The following XPNPEP3 variants were observed in gnomAD, a reference collection of about 807,000 sequenced individuals.
The protein encoded by XPNPEP3 is xaa-Pro aminopeptidase 3.
Under a neutral mutation model 60.0 loss-of-function variants are expected in XPNPEP3, and 41 were observed. The observed-to-expected ratio is 0.68, with a 90% CI of 0.53 to 0.89. The LOEUF (loss-of-function observed/expected upper bound fraction) is 0.89, where lower values mean the gene tolerates loss of function less well. XPNPEP3 is among the 40% of genes least tolerant of loss of function. XPNPEP3 has a pLI of 0.00. For synonymous variants in XPNPEP3, 212 were observed against 223.2 expected, an observed-to-expected ratio of 0.95 and a Z score of 0.45; for missense variants, 598 against 638.9, an observed-to-expected ratio of 0.94 and a Z score of 0.69.
chr22:40,880,523 TTGA>T (rs2058043247), intron 2 of XPNPEP3, among the ~76,000 whole-genome samples: 1 of 148,486 alleles, frequency 6.7e-6, no homozygotes, highest in African/African-American at 2.5e-5. Context: ...GGGCAAGGTG[TTGA>T]TGTGAGTAGG....
At chr22:40,923,020 C>G (rs1008349542) in intron 8 of XPNPEP3, among the ~76,000 whole-genome samples, 2 of 151,974 alleles carry the variant, frequency 1.3e-5, no homozygotes, top group African/African-American at 4.8e-5. Context: ...GAGGAGAAGC[C>G]TGGGAAACAT....
intron 7 of XPNPEP3, among the ~76,000 whole-genome samples, chr22:40,914,646 G>A (rs1451220225): frequency 3.6e-5 from 5 of 138,208 alleles, no homozygotes; most frequent in Non-Finnish European, 6.1e-5. Flanking sequence ...CTGCAGCCTC[G>A]AACTCTGTCC....
At chr22:40,909,796 A>G (rs1277387979) in intron 6 of XPNPEP3, among the ~76,000 whole-genome samples, 1 of 150,516 alleles carries the variant, frequency 6.6e-6, no homozygotes, top group Non-Finnish European at 1.5e-5. Flanking sequence ...AAATAAATAA[A>G]TATTTAAATA....
At position 40,926,591 on chromosome 22, in the gene XPNPEP3, G is replaced by T. The variant is rs1030774858; in HGVS notation, c.*156G>T. ...GAATGTATGTAATTGTGTGTGGGGG[G>T]TTTTTTGTTTTAAGTAGTTAGAAGT... On this transcript the variant is annotated 3_prime_UTR_variant, in exon 10 of 10. Transcript: ENST00000357137. 20 of 977,642 alleles carry T rather than the reference G, an allele frequency of 2.0e-5. No homozygotes were observed. Among genetic ancestry groups the T allele is most frequent in the Admixed American group, 8.0e-5 (4 of 49,820 alleles). 60.6% of individuals were successfully genotyped at this position (977,642 alleles called of 1,614,324 possible).
At chr22:40,890,643 G>C (rs921954848) in intron 4 of XPNPEP3, among the ~76,000 whole-genome samples, 26 of 151,888 alleles carry the variant, frequency 1.7e-4, no homozygotes, top group African/African-American at 6.3e-4. Context: ...AAGGTGGGCA[G>C]ATCACTTGAG....
chr22:40,922,885 A>G (rs1194107697), intron 8 of XPNPEP3, among the ~76,000 whole-genome samples: 1 of 152,204 alleles, frequency 6.6e-6, no homozygotes, highest in African/African-American at 2.4e-5. Flanking sequence ...AAAGGAAGTC[A>G]GTACTTATTT....
At position 40,928,649 on chromosome 22, in the gene XPNPEP3, A is replaced by C. The variant is rs573224246; in HGVS notation, c.*2214A>C. On this transcript the variant is annotated 3_prime_UTR_variant, in exon 10 of 10. Transcript: ENST00000357137. ...GGAAGCTTTAAGAACCAGTGTGTTCACCTCCTTTAAACCTGGATATGAGGT... is the reference window on the plus strand; with the variant it reads ...GGAAGCTTTAAGAACCAGTGTGTTCCCCTCCTTTAAACCTGGATATGAGGT... The C allele has an allele frequency of 6.6e-6, 1 of 152,288 alleles. No individual in the cohort carries two copies. The highest frequency in any genetic ancestry group is 6.5e-5 in the Admixed American group (1 of 15,286). The allele number at this position is 152,288 out of a possible 1,614,324, so 9.4% of individuals were successfully genotyped here.
chr22:40,859,055 C>G (rs2057924965), intron 1 of XPNPEP3, among the ~76,000 whole-genome samples: 1 of 152,060 alleles, frequency 6.6e-6, no homozygotes, highest in Admixed American at 6.6e-5. Context: ...TGCACCCAGC[C>G]CTTAATAGTC....
intron 1 of XPNPEP3, chr22:40,862,331 C>G: frequency 2.6e-5 from 27 of 1,030,682 alleles, no homozygotes; most frequent in Non-Finnish European, 3.1e-5. Context: ...CAGGCAGTGC[C>G]TCATAAGCCA....
chr22:40,872,535 C>G (rs781586355), intron 2 of XPNPEP3, among the ~76,000 whole-genome samples: 13 of 152,048 alleles, frequency 8.5e-5, no homozygotes, highest in Non-Finnish European at 1.8e-4. Context: ...ACTGCAACCT[C>G]TGCCTCCCGG....
Position 40,931,774 on chromosome 22 carries a change from A to T in XPNPEP3, c.*5339A>T, listed in dbSNP as rs2146286808. On this transcript the variant is annotated 3_prime_UTR_variant, in exon 10 of 10. Transcript: ENST00000357137. ...CTCTCATAATCATAGTATCCACGTT[A>T]GGAAAATGCTTCTGAGAGTAACTTA... 1 of 152,300 alleles carries T rather than the reference A, an allele frequency of 6.6e-6. No homozygotes were observed. The highest frequency in any genetic ancestry group is 6.5e-5 in the Admixed American group (1 of 15,278). 9.4% of individuals were successfully genotyped at this position (152,300 alleles called of 1,614,324 possible).
At chr22:40,857,744 A>T (rs1346725801) in intron 1 of XPNPEP3, among the ~76,000 whole-genome samples, 4 of 152,246 alleles carry the variant, frequency 2.6e-5, no homozygotes, top group Non-Finnish European at 5.9e-5. Flanking sequence ...TAAGGAGAAT[A>T]ATTTTTTGTA....
At chr22:40,923,851 C>CA (rs199776769) in intron 8 of XPNPEP3, among the ~76,000 whole-genome samples, 6 of 150,010 alleles carry the variant, frequency 4.0e-5, no homozygotes, top group African/African-American at 9.8e-5. Flanking sequence ...GACTCCATCT[C>CA]AAAAAAAAAG....
rs538116981 is a variant in XPNPEP3 at position 40,902,245 on chromosome 22, A to G, written c.793-5342A>G. On this transcript the variant is annotated intron_variant, in intron 4 of 9. Coordinates refer to ENST00000357137, the MANE Select transcript of XPNPEP3 (RefSeq NM_022098.4). ...CAGGCGCCTGCCACCATGCCTGGCT[A>G]ATTTTTTTTTTTTTTTTTTTTTTGA... is the stretch of plus-strand genomic sequence containing the variant. Among the ~76,000 whole-genome samples, 5 of 93,568 alleles carry G rather than the reference A, an allele frequency of 5.3e-5. No homozygotes were observed. In the East Asian group the frequency reaches 1.9e-3, roughly 35 times the overall value. The allele number at this position is 93,568 out of a possible 152,430, so 61.4% of individuals were successfully genotyped here.
Position 40,857,257 on chromosome 22 carries a change from C to T in XPNPEP3, c.64+12C>T. On this transcript the variant is annotated intron_variant, in intron 1 of 9. Coordinates refer to ENST00000357137, the MANE Select transcript of XPNPEP3 (RefSeq NM_022098.4). ...CCGCGGCCTCTCAGGTTAGACTCTTCTCCCACGGTCTCCTCCCATGGTGTC... is the reference window on the plus strand; with the variant it reads ...CCGCGGCCTCTCAGGTTAGACTCTTTTCCCACGGTCTCCTCCCATGGTGTC... 6.2e-7 allele frequency: 1 copy of T among 1,614,020 alleles called. No homozygotes were observed. The highest frequency in any genetic ancestry group is 1.3e-5 in the African/African-American group (1 of 75,058).
At chr22:40,890,636 G>A (rs2058084982) in intron 4 of XPNPEP3, among the ~76,000 whole-genome samples, 1 of 152,104 alleles carries the variant, frequency 6.6e-6, no homozygotes, top group South Asian at 2.1e-4. Flanking sequence ...GGAGGCCAAG[G>A]TGGGCAGATC....
At chr22:40,882,808 A>G (rs1024650465) in intron 3 of XPNPEP3, among the ~76,000 whole-genome samples, 3 of 152,222 alleles carry the variant, frequency 2.0e-5, no homozygotes, top group Admixed American at 1.3e-4. Context: ...GAATTGTGCA[A>G]CCATCACCAC....
rs745437088 is a variant in XPNPEP3 at position 40,881,767 on chromosome 22, T to C, written c.182-3T>C. On this transcript the variant is annotated splice_region_variant and splice_polypyrimidine_tract_variant and intron_variant, in intron 2 of 9. Coordinates refer to ENST00000357137, the MANE Select transcript of XPNPEP3 (RefSeq NM_022098.4). ...AAGCATCCCTTTTATTTGTCATTTCTAGGGGAGGTAACTCCAGGACTATCT... is the reference window on the plus strand; with the variant it reads ...AAGCATCCCTTTTATTTGTCATTTCCAGGGGAGGTAACTCCAGGACTATCT... The C allele has an allele frequency of 1.5e-5, 24 of 1,613,954 alleles. No homozygotes were observed. The highest frequency in any genetic ancestry group is 1.9e-5 in the Non-Finnish European group (22 of 1,179,928).
chr22:40,882,721 G>A (rs2058053223), intron 3 of XPNPEP3, among the ~76,000 whole-genome samples: 1 of 151,996 alleles, frequency 6.6e-6, no homozygotes, highest in Non-Finnish European at 1.5e-5. Flanking sequence ...TCCAGCCTAG[G>A]CGACAGAGCA....
Sources: gnomAD v4.1 joint callset for allele counts (sites outside exome capture counted in the v4.1 genomes callset) on GRCh38, gnomAD v4.1.1 for gene constraint, MANE v1.5 for transcripts, NCBI Gene and HGNC (gene_info 2026-07-23, HGNC 2026-07-21) for gene names.